Variants in AHNAK2 observed in about 807,000 individuals in gnomAD.
The protein encoded by AHNAK2 is AHNAK nucleoprotein 2, also known as protein AHNAK2.
Under a neutral mutation model 30.7 loss-of-function variants are expected in AHNAK2, and 18 were observed. The observed-to-expected ratio is 0.59, with a 90% CI of 0.41 to 0.87. The LOEUF is 0.87. AHNAK2 is among the 40% of genes least tolerant of loss of function. The pLI is 0.00. For missense variants in AHNAK2, 8,604 were observed against 7,373.0 expected, an observed-to-expected ratio of 1.17 and a Z score of -6.11; for synonymous variants, 3,590 against 3,073.8, an observed-to-expected ratio of 1.17 and a Z score of -5.56.
rs1222670511 is a variant in AHNAK2, at chr14:104,952,642, C to T, written c.2809G>A (p.Asp937Asn). ...AGGTCCAGCTTGGGGCCCTTAACAT[C>T]TATCTGGGGGCCCTTGAGGTCCACT... ...PKVDLKGPQI[D>N]VKGPKLDLKG... The change falls in exon 7 of 7, where the codon GAT (aspartate) becomes AAT (asparagine). Residue 937 changes from aspartate to asparagine, a missense_variant. Coordinates refer to ENST00000333244, the MANE Select transcript of AHNAK2 (RefSeq NM_138420.4). The T allele has an allele frequency of 1.9e-6, 3 of 1,612,082 alleles. No individual in the cohort carries two copies. The highest frequency in any genetic ancestry group is 8.5e-7 in the Non-Finnish European group (1 of 1,179,420).
rs11848564 is a variant in AHNAK2, at chr14:104,947,453, G to C, written c.7998C>G (p.Ser2666=). The change falls in exon 7 of 7, where the codon TCC becomes TCG. Residue 2666 remains serine (S), a synonymous_variant. Coordinates refer to ENST00000333244, the MANE Select transcript of AHNAK2 (RefSeq NM_138420.4). ...PSFRVSAPGE[S]IEALVDVSEL... is the part of the protein sequence containing the mutation. Reference sequence around the variant, plus strand: ...CAGACACATCCACCAACGCCTCGATGGACTCGCCTGGGGCCGACACCCTGA... The same window carrying C: ...CAGACACATCCACCAACGCCTCGATCGACTCGCCTGGGGCCGACACCCTGA... 22 of 1,612,230 alleles carry C rather than the reference G, an allele frequency of 1.4e-5. No individual in the cohort carries two copies. The highest frequency in any genetic ancestry group is 1.8e-5 in the Non-Finnish European group (21 of 1,179,450).
rs1188255783 is a variant in AHNAK2, at chr14:104,946,835, G to A, written c.8616C>T (p.Val2872=). ...RIQPPSAQLE[V]QAGQVDVKLP... ...GTTTCACGTCCACCTGGCCAGCCTG[G>A]ACCTCCAGTTGGGCGGAGGGGGGCT... Residue 2872 remains valine, a synonymous_variant, in exon 7 of 7, where the codon GTC becomes GTT. Coordinates refer to ENST00000333244, the MANE Select transcript of AHNAK2 (RefSeq NM_138420.4). 1.2e-6 allele frequency: 2 copies of A among 1,612,746 alleles called. No homozygotes were observed. Among genetic ancestry groups the A allele is most frequent in the African/African-American group, 2.7e-5 (2 of 74,536 alleles).
intron 1 of AHNAK2, among the ~76,000 whole-genome samples, chr14:104,963,171 T>C (rs1423647597): frequency 1.2e-4 from 19 of 152,184 alleles, no homozygotes; most frequent in Admixed American, 1.2e-3. Flanking sequence ...TGAACAGACA[T>C]TTCACAAAAG....
intron 1 of AHNAK2, among the ~76,000 whole-genome samples, chr14:104,965,903 T>C (rs1354852142): frequency 6.6e-6 from 1 of 152,178 alleles, no homozygotes; most frequent in African/African-American, 2.4e-5. Flanking sequence ...CCACCCTGCC[T>C]GCCCTGACTG....
intron 1 of AHNAK2, among the ~76,000 whole-genome samples, chr14:104,959,550 T>C (rs535174094): frequency 6.6e-6 from 1 of 152,304 alleles, no homozygotes; most frequent in East Asian, 1.9e-4. Context: ...GGCGGGAGGA[T>C]AGCTTAAGCC....
intron 1 of AHNAK2, among the ~76,000 whole-genome samples, chr14:104,970,844 G>C (rs1899453714): frequency 6.6e-6 from 1 of 152,146 alleles, no homozygotes; most frequent in South Asian, 2.1e-4. Context: ...GCCTGAGGCA[G>C]GTCCCTCCTA....
In AHNAK2 at chr14:104,940,318, C is replaced by T. The variant is rs749237679; in HGVS notation, c.15133G>A (p.Val5045Met). The T allele has an allele frequency of 2.0e-5, 32 of 1,613,686 alleles. No individual in the cohort carries two copies. Among genetic ancestry groups the T allele is most frequent in the Non-Finnish European group, 2.5e-5 (29 of 1,179,892 alleles). The change falls in exon 7 of 7, where the codon GTG becomes ATG. Residue 5045 changes from valine (V) to methionine (M), a missense_variant. Transcript: ENST00000333244. This position sits in a 1 kb window ranked among gnomAD's most constrained non-coding sequence, Gnocchi z 4.4. ...GTGGCACTAGAAAGGGAAGGATCCA[C>T]GTCTCTCTGTGGCAGGCTGACCCCA... ...KSGVSLPQRD[V>M]DPSLSSATAG...
chr14:104,939,928 T>C lies in AHNAK2; in HGVS notation c.15523A>G (p.Ser5175Gly). 3 of 1,612,534 alleles carry C rather than the reference T, an allele frequency of 1.9e-6. No homozygotes were observed. The highest frequency in any genetic ancestry group is 2.5e-6 in the Non-Finnish European group (3 of 1,179,898). The change falls in exon 7 of 7, where the codon AGC (serine) becomes GGC (glycine). Residue 5175 changes from serine to glycine, a missense_variant. By Grantham distance (56) the Ser-to-Gly change is moderately conservative. Coordinates refer to ENST00000333244, the MANE Select transcript of AHNAK2 (RefSeq NM_138420.4). ...TTGGTCATGGCTTCCTCCTCTGGGC[T>C]TTCCACTGTGAGGACTTCAGCATCT... ...KPDAEVLTVE[S>G]PEEEAMTKYS...
intron 1 of AHNAK2, among the ~76,000 whole-genome samples, chr14:104,972,127 G>A (rs373406388): frequency 9.6e-4 from 147 of 152,344 alleles, no homozygotes; most frequent in Middle Eastern, 6.8e-3. Context: ...GCACTTGCCG[G>A]CAAATGGGGT....
chr14:104,952,622 C>G lies in AHNAK2; in HGVS notation c.2829G>C (p.Leu943=). 1 of 1,612,622 alleles carries G rather than the reference C, an allele frequency of 6.2e-7. No individual in the cohort carries two copies. The part of the protein sequence containing the change: ...GPQIDVKGPK[L]DLKGPKAEVT... ...CTTCCGCCTTGGGGCCTTTCAGGTCCAGCTTGGGGCCCTTAACATCTATCT... is the reference window on the plus strand; with the variant it reads ...CTTCCGCCTTGGGGCCTTTCAGGTCGAGCTTGGGGCCCTTAACATCTATCT... The change falls in exon 7 of 7, where the codon CTG becomes CTC. Residue 943 remains leucine, a synonymous_variant. Coordinates refer to ENST00000333244, the MANE Select transcript of AHNAK2 (RefSeq NM_138420.4).
At chr14:104,956,455 C>T in intron 4 of AHNAK2, 133 bp downstream of exon 4, 1 of 839,164 alleles carries the variant, frequency 1.2e-6, no homozygotes, top group East Asian at 2.6e-5. Flanking sequence ...ACAAGAACAC[C>T]CCTCCTCCCC....
chr14:104,946,184 G>C lies in AHNAK2; in HGVS notation c.9267C>G (p.Asp3089Glu), dbSNP rs1898258713. The C allele has an allele frequency of 6.2e-7, 1 of 1,609,554 alleles. No homozygotes were observed. The highest frequency in any genetic ancestry group is 1.7e-5 in the Admixed American group (1 of 59,620). Reference protein sequence around the residue: ...PQIDVKGPKLDLKGPKTDVTA... With the variant: ...PQIDVKGPKLELKGPKTDVTA... ...TCACGTCCGTCTTCGGGCCTTTCAG[G>C]TCCAGCTTGGGGCCCTTGACATCTA... is the stretch of plus-strand genomic sequence containing the variant. The change falls in exon 7 of 7, where the codon GAC becomes GAG. Residue 3089 changes from aspartate (D) to glutamate (E), a missense_variant. Coordinates refer to ENST00000333244, the MANE Select transcript of AHNAK2 (RefSeq NM_138420.4).
chr14:104,940,996 C>T lies in AHNAK2; in HGVS notation c.14455G>A (p.Asp4819Asn), dbSNP rs766980947. Residue 4819 changes from aspartate to asparagine, a missense_variant, in exon 7 of 7, where the codon GAT becomes AAT. Physicochemically the swap from Asp to Asn is conservative, Grantham distance 23. Transcript: ENST00000333244. This position sits in a 1 kb window ranked among gnomAD's most constrained non-coding sequence, Gnocchi z 4.4. The stretch of plus-strand genomic sequence containing the variant: ...CACTCTGTCTTGGGAAGAGGAATAT[C>T]AGCCTGAGACCCAGAAGGAATTTCC... ...ALEIPSGSQA[D>N]IPLPKTECST... The T allele has an allele frequency of 1.9e-6, 3 of 1,613,308 alleles. No homozygotes were observed. The highest frequency in any genetic ancestry group is 2.5e-6 in the Non-Finnish European group (3 of 1,179,888).
At position 104,943,977 on chromosome 14, in the gene AHNAK2, G is replaced by A. The variant is rs751708464; in HGVS notation, c.11474C>T (p.Ser3825Leu). 1.4e-5 allele frequency: 23 copies of A among 1,611,576 alleles called. No homozygotes were observed. Among genetic ancestry groups the A allele is most frequent in the Admixed American group, 6.7e-5 (4 of 59,778 alleles). Residue 3825 changes from serine (S) to leucine (L), a missense_variant, in exon 7 of 7, where the codon TCG becomes TTG. Ser to Leu is a moderately radical substitution (Grantham distance 145). Coordinates refer to ENST00000333244, the MANE Select transcript of AHNAK2 (RefSeq NM_138420.4). Reference protein sequence around the residue: ...VSAPGKSIEASVHVSAPKVEA... With the variant: ...VSAPGKSIEALVHVSAPKVEA... ...CACCTTGGGTGCAGACACGTGCACC[G>A]AGGCCTCAATGGACTTGCCTGGGGC...
Position 104,953,560 on chromosome 14 carries a change from C to T in AHNAK2, c.1891G>A (p.Glu631Lys). 1.2e-6 allele frequency: 2 copies of T among 1,614,016 alleles called. No homozygotes were observed. The highest frequency in any genetic ancestry group is 8.5e-7 in the Non-Finnish European group (1 of 1,179,898). Reference protein sequence around the residue: ...ADRREQRRTEEGLKDKEDSDS... With the variant: ...ADRREQRRTEKGLKDKEDSDS... ...CTGTCTTCTTTGTCTTTTAATCCTT[C>T]CTCTGTGCGTCTCTGTTCTCTTCTA... Residue 631 changes from glutamate (E) to lysine (K), a missense_variant, in exon 7 of 7, where the codon GAA becomes AAA. Glu to Lys is a moderately conservative substitution (Grantham distance 56, BLOSUM62 1). Transcript: ENST00000333244.
Position 104,944,375 on chromosome 14 carries a change from A to C in AHNAK2, c.11076T>G (p.Ser3692=). The C allele has an allele frequency of 1.2e-6, 2 of 1,611,060 alleles. No individual in the cohort carries two copies. Among genetic ancestry groups the C allele is most frequent in the Non-Finnish European group, 1.7e-6 (2 of 1,178,844 alleles). The stretch of plus-strand genomic sequence containing the variant: ...GGCCAGCCTGGACCTTCAGGTCGGC[A>C]GAAGGGGGCTGAATGCTGAGGTCAG... The part of the protein sequence containing the change: ...KTTDLSIQPP[S]ADLKVQAGQM... Residue 3692 remains serine, a synonymous_variant, in exon 7 of 7, where the codon TCT becomes TCG. Transcript: ENST00000333244.
At position 104,947,392 on chromosome 14, in the gene AHNAK2, T is replaced by G. The variant is rs373687887; in HGVS notation, c.8059A>C (p.Met2687Leu). 1.2e-6 allele frequency: 2 copies of G among 1,612,562 alleles called. No individual in the cohort carries two copies. Among genetic ancestry groups the G allele is most frequent in the African/African-American group, 2.7e-5 (2 of 74,296 alleles). Residue 2687 changes from methionine to leucine, a missense_variant, in exon 7 of 7, where the codon ATG becomes CTG. Coordinates refer to ENST00000333244, the MANE Select transcript of AHNAK2 (RefSeq NM_138420.4). Reference protein sequence around the residue: ...KVEADMSLPSMQGDLKTTDIS... With the variant: ...KVEADMSLPSLQGDLKTTDIS... Reference sequence around the variant, plus strand: ...TCAGTGGTCTTAAGGTCCCCTTGCATGGAGGGGAGGCTCATGTCGGCTTCC... The same window carrying G: ...TCAGTGGTCTTAAGGTCCCCTTGCAGGGAGGGGAGGCTCATGTCGGCTTCC...
chr14:104,950,319 G>C lies in AHNAK2; in HGVS notation c.5132C>G (p.Pro1711Arg), dbSNP rs11852016. The change falls in exon 7 of 7, where the codon CCT becomes CGT. Residue 1711 changes from proline to arginine, a missense_variant. Physicochemically the swap from Pro to Arg is moderately radical, Grantham distance 103. Coordinates refer to ENST00000333244, the MANE Select transcript of AHNAK2 (RefSeq NM_138420.4). ...AGCCTGGACCTCCAGGTCGGCGGAA[G>C]GGGACTGAATGCTGAGGTCAGTGGT... ...LKTTDLSIQSPSADLEVQAGQ... is the reference protein window; with the variant it reads ...LKTTDLSIQSRSADLEVQAGQ... 6.3e-7 allele frequency: 1 copy of C among 1,584,750 alleles called. No individual in the cohort carries two copies. Among genetic ancestry groups the C allele is most frequent in the Non-Finnish European group, 8.6e-7 (1 of 1,162,466 alleles).
At chr14:104,977,484 T>C (rs774189111) in intron 1 of AHNAK2, among the ~76,000 whole-genome samples, 1 of 152,190 alleles carries the variant, frequency 6.6e-6, no homozygotes, top group Non-Finnish European at 1.5e-5. Context: ...CCACTTTCCC[T>C]TGCCCAGCAC....
Sources: allele counts gnomAD v4.1 joint callset (sites outside exome capture counted in the v4.1 genomes callset), GRCh38; gene constraint gnomAD v4.1.1; non-coding constraint Gnocchi (gnomAD v3.1); transcripts MANE v1.5; gene names NCBI Gene and HGNC (gene_info 2026-07-23, HGNC 2026-07-21).